Variants in ZZEF1 observed in about 807,000 individuals in gnomAD.
ZZEF1 encodes the protein zinc finger ZZ-type and EF-hand domain containing 1.
Under a neutral mutation model 342.8 loss-of-function variants are expected in ZZEF1, and 157 were observed. The ratio of observed to expected loss-of-function variants is 0.46; its 90% confidence interval spans 0.40 to 0.52. The LOEUF (loss-of-function observed/expected upper bound fraction) is 0.52, where lower values mean the gene tolerates loss of function less well. Among genes scored for constraint, ZZEF1 ranks in the 20% least tolerant of loss-of-function variants. ZZEF1 has a pLI of 0.00. For synonymous variants in ZZEF1, 1,505 were observed against 1,429.1 expected (o/e 1.05, Z -1.20); for missense variants, 3,480 against 3,725.6 (o/e 0.93, Z 1.72).
chr17:4,097,982 A>G (rs956788486), intron 9 of ZZEF1, among the ~76,000 whole-genome samples: 2 of 151,124 alleles, frequency 1.3e-5, no homozygotes, highest in African/African-American at 4.9e-5. Flanking sequence ...TCACACCTAT[A>G]ATCCCAGCAC....
At chr17:4,137,413 A>G (rs1046443765) in intron 1 of ZZEF1, among the ~76,000 whole-genome samples, 20 of 152,180 alleles carry the variant, frequency 1.3e-4, no homozygotes, top group East Asian at 9.6e-4. Flanking sequence ...GATCGAGACC[A>G]TCCTGGCTAA....
In ZZEF1 at chr17:4,024,922, T is replaced by C. The variant is rs1221936576; in HGVS notation, c.7089A>G (p.Leu2363=). ...SLALKGLYKT[L]KAHGFEEIRA... is the part of the protein sequence containing the mutation. ...AACTGGAGAAGCTCCCCATTACCTT[T>C]AGTGTTTTATACAATCCTTTCAGGG... is the stretch of plus-strand genomic sequence containing the variant. Residue 2363 remains leucine, a synonymous_variant, in exon 43 of 55, where the codon CTA becomes CTG. Coordinates refer to ENST00000381638, the MANE Select transcript of ZZEF1 (RefSeq NM_015113.4). 1.2e-6 allele frequency: 2 copies of C among 1,614,182 alleles called. No individual in the cohort carries two copies. The highest frequency in any genetic ancestry group is 8.5e-7 in the Non-Finnish European group (1 of 1,180,000).
chr17:4,090,751 C>T lies in ZZEF1; in HGVS notation c.1993G>A (p.Asp665Asn). ...ACTCTGCACTGTTGCAGCTTCACAT[C>T]TGCTTCATCCCATTCTTCTTCCAGT... ...FELEEEWDEA[D>N]VKLQQCRVAK... Residue 665 changes from aspartate to asparagine, a missense_variant, in exon 12 of 55, where the codon GAT becomes AAT. Physicochemically the swap from Asp to Asn is conservative, Grantham distance 23. Coordinates refer to ENST00000381638, the MANE Select transcript of ZZEF1 (RefSeq NM_015113.4). 3 of 1,614,186 alleles carry T rather than the reference C, an allele frequency of 1.9e-6. No individual in the cohort carries two copies. Among genetic ancestry groups the T allele is most frequent in the Non-Finnish European group, 2.5e-6 (3 of 1,180,034 alleles).
At position 4,095,976 on chromosome 17, in the gene ZZEF1, G is replaced by A; in HGVS notation, c.1768C>T (p.Arg590Ter). The stretch of plus-strand genomic sequence containing the variant: ...CACTGGGCACCAATGCCACCACGTC[G>A]AACCTGGAAACAGAGATTAGGATGA... Reference protein sequence around the residue: ...FQVTQIRIMVRRGGIGAQCGL... With the variant: ...FQVTQIRIMV Residue 590 changes from arginine to a stop codon, truncating the protein, a stop_gained, in exon 11 of 55, where the codon CGA becomes TGA. Transcript: ENST00000381638. LOFTEE classifies it high-confidence loss of function. 2 of 1,607,510 alleles carry A rather than the reference G, an allele frequency of 1.2e-6. No homozygotes were observed. The highest frequency in any genetic ancestry group is 1.3e-5 in the African/African-American group (1 of 74,888).
intron 35 of ZZEF1, 134 bp downstream of exon 35, chr17:4,051,837 G>A (rs1490945689): frequency 4.6e-6 from 4 of 868,748 alleles, no homozygotes; most frequent in Non-Finnish European, 6.9e-6. Flanking sequence ...GGTTCACTGT[G>A]TTAGTCTCTT....
At chr17:4,105,907 AACAG>A (rs1164761458) in intron 6 of ZZEF1, 98 bp from the exon 7 acceptor site, 4 of 910,826 alleles carry the variant, frequency 4.4e-6, no homozygotes, top group South Asian at 1.7e-5. Context: ...ATCCCTTATA[AACAG>A]ACAGTGTTCC....
intron 42 of ZZEF1, among the ~76,000 whole-genome samples, chr17:4,029,042 A>T (rs906718844): frequency 2.0e-5 from 3 of 152,254 alleles, no homozygotes; most frequent in Non-Finnish European, 4.4e-5. Flanking sequence ...CTCTCTCAGG[A>T]ATTGTTAGAA....
intron 52 of ZZEF1, among the ~76,000 whole-genome samples, chr17:4,012,750 T>C (rs2055997141): frequency 6.6e-6 from 1 of 152,150 alleles, no homozygotes; most frequent in Non-Finnish European, 1.5e-5. Flanking sequence ...ATAATCTGCA[T>C]ATATAGTCTT....
chr17:4,015,448 GT>G (rs2144947422), intron 49 of ZZEF1, among the ~76,000 whole-genome samples: 1 of 152,340 alleles, frequency 6.6e-6, no homozygotes, highest in African/African-American at 2.4e-5. Flanking sequence ...CAACATTTCA[GT>G]TTTCTCTCCA....
At chr17:4,075,838 G>C (rs980603470) in intron 21 of ZZEF1, 4 of 158,182 alleles carry the variant, frequency 2.5e-5, no homozygotes, top group Non-Finnish European at 5.5e-5. Context: ...GGGGGTTGGG[G>C]GGGGGCCTTT....
intron 54 of ZZEF1, among the ~76,000 whole-genome samples, chr17:4,007,514 G>A (rs181498849): frequency 1.3e-5 from 2 of 152,192 alleles, no homozygotes; most frequent in African/African-American, 2.4e-5. Flanking sequence ...GCTGTGGGGG[G>A]GGTCAGAAGA....
In ZZEF1 at chr17:4,133,497, T is replaced by C. The variant is rs530935897; in HGVS notation, c.354+9045A>G. 1.9e-4 allele frequency among the ~76,000 whole-genome samples: 29 copies of C among 152,256 alleles called. No homozygotes were observed. In the South Asian group the frequency reaches 5.4e-3, roughly 28 times the overall value. ...TAGCTCCATTACTTTCCTCCATCTATAAAAGCTGCTTTCCGCTCCTTTTGT... is the reference window on the plus strand; with the variant it reads ...TAGCTCCATTACTTTCCTCCATCTACAAAAGCTGCTTTCCGCTCCTTTTGT... On this transcript the variant is annotated intron_variant, in intron 1 of 54. Coordinates refer to ENST00000381638, the MANE Select transcript of ZZEF1 (RefSeq NM_015113.4).
chr17:4,087,110 G>A (rs1383856031), intron 14 of ZZEF1, among the ~76,000 whole-genome samples: 2 of 152,128 alleles, frequency 1.3e-5, no homozygotes, highest in Non-Finnish European at 2.9e-5. Flanking sequence ...TCGAACTCCT[G>A]ACCTTGTGAT....
intron 37 of ZZEF1, among the ~76,000 whole-genome samples, chr17:4,047,760 G>C (rs2056953624): frequency 6.6e-6 from 1 of 151,592 alleles, no homozygotes. Context: ...GGCTAACATG[G>C]TGAAACCCGT....
In ZZEF1 at chr17:4,069,046, T is replaced by C. The variant is rs909658857; in HGVS notation, c.4075+1638A>G. Among the ~76,000 whole-genome samples the C allele has an allele frequency of 4.6e-5, 7 of 152,192 alleles. No homozygotes were observed. In the South Asian group the frequency reaches 1.0e-3, roughly 22 times the overall value. On this transcript the variant is annotated intron_variant, in intron 26 of 54. Transcript: ENST00000381638. The stretch of plus-strand genomic sequence containing the variant: ...AATGGCAGGCATTCTAGAAACAACC[T>C]GCACACAGCAAGACATTCCGAGTTC...
At chr17:4,093,797 A>ATT (rs35886006) in intron 11 of ZZEF1, among the ~76,000 whole-genome samples, 7 of 151,482 alleles carry the variant, frequency 4.6e-5, no homozygotes, top group African/African-American at 1.5e-4. Flanking sequence ...CTCCTTGAGT[A>ATT]TTTTTTTTTC....
At chr17:4,038,602 C>T (rs996625635) in intron 39 of ZZEF1, among the ~76,000 whole-genome samples, 1 of 152,142 alleles carries the variant, frequency 6.6e-6, no homozygotes, top group African/African-American at 2.4e-5. Flanking sequence ...GCCAGGAGTT[C>T]AAGACCAGCC....
intron 18 of ZZEF1, among the ~76,000 whole-genome samples, chr17:4,080,104 C>T (rs2145323977): frequency 6.6e-6 from 1 of 152,130 alleles, no homozygotes; most frequent in East Asian, 1.9e-4. Flanking sequence ...AAGCCCTATC[C>T]CTAGAGATCT....
chr17:4,067,278 G>A, intron 26 of ZZEF1, 36 bp from the exon 27 acceptor site: 1 of 1,563,140 alleles, frequency 6.4e-7, no homozygotes, highest in Non-Finnish European at 8.8e-7. Context: ...TTACATTCAG[G>A]TAACACAATT....
Sources: allele counts gnomAD v4.1 joint callset (sites outside exome capture counted in the v4.1 genomes callset), GRCh38; gene constraint gnomAD v4.1.1; transcripts MANE v1.5; gene names NCBI Gene and HGNC (gene_info 2026-07-23, HGNC 2026-07-21).